The following CXADR variants were observed in gnomAD, a reference collection of about 807,000 sequenced individuals.
The protein encoded by CXADR is CXADR cell adhesion molecule.
In CXADR, 20 loss-of-function variants were observed where a neutral mutation model predicts 40.3. That is an observed-to-expected ratio of 0.50 (90% CI 0.35 to 0.72). CXADR has a LOEUF of 0.72. Ranked by LOEUF, CXADR falls within the 30% of genes least tolerant of loss-of-function variation. The pLI, the probability that CXADR is intolerant of heterozygous loss-of-function variation, is 0.01. For missense variants in CXADR, 332 were observed against 449.1 expected (o/e 0.74, Z 2.36); for synonymous variants, 150 against 161.3 (o/e 0.93, Z 0.53).
At chr21:17,525,473 C>T (rs1486063398) in intron 1 of CXADR, among the ~76,000 whole-genome samples, 1 of 152,172 alleles carries the variant, frequency 6.6e-6, no homozygotes, top group Non-Finnish European at 1.5e-5. Context: ...TGTTCAGCCC[C>T]CACCTTTGTT....
chr21:17,543,495 G>C (rs751432159), intron 1 of CXADR, among the ~76,000 whole-genome samples: 14 of 152,056 alleles, frequency 9.2e-5, no homozygotes, highest in African/African-American at 3.4e-4. Flanking sequence ...ACAGTAACCC[G>C]GAAGTTTTTA....
chr21:17,570,232 G>C, downstream of CXADR: 1 of 957,886 alleles, frequency 1.0e-6, no homozygotes, highest in Non-Finnish European at 1.2e-6. Flanking sequence ...AAAGAATAAA[G>C]ATTGCGACAA....
the CXADR span, among the ~76,000 whole-genome samples, chr21:17,618,945 T>A: frequency 6.6e-6 from 1 of 152,240 alleles, no homozygotes; most frequent in African/African-American, 2.4e-5. Context: ...AATCTCCTTG[T>A]AGATATCCAT....
At chr21:17,534,032 A>ATATATATATATACACATATATATAGC (rs1569091470) in intron 1 of CXADR, among the ~76,000 whole-genome samples, 7 of 81,396 alleles carry the variant, frequency 8.6e-5, no homozygotes, top group African/African-American at 2.6e-4. Context: ...ATATATAGCT[A>ATATATATATATACACATATATATAGC]TATATATATA....
At chr21:17,529,058 AG>A (rs2060636774) in intron 1 of CXADR, among the ~76,000 whole-genome samples, 3 of 88,746 alleles carry the variant, frequency 3.4e-5, no homozygotes, top group African/African-American at 1.3e-4. Context: ...TTTTTTTTTG[AG>A]ACAGAGTCTC....
chr21:17,576,962 T>C (rs2061326556), intron 7 of CXADR: 1 of 152,234 alleles, frequency 6.6e-6, no homozygotes, highest in African/African-American at 2.4e-5. Flanking sequence ...TATTTAACTA[T>C]TTAAAAACAA....
At chr21:17,615,662 CATT>C in the CXADR span, among the ~76,000 whole-genome samples, 3 of 152,172 alleles carry the variant, frequency 2.0e-5, no homozygotes, top group African/African-American at 7.2e-5. Flanking sequence ...CTACTATACT[CATT>C]AATATGTATT....
chr21:17,532,549 C>G (rs2060692117), intron 1 of CXADR, among the ~76,000 whole-genome samples: 2 of 152,140 alleles, frequency 1.3e-5, no homozygotes, highest in African/African-American at 4.8e-5. Flanking sequence ...GCCTAGGACA[C>G]CGATGATGTT....
intron 1 of CXADR, chr21:17,542,999 G>A (rs1022447296): frequency 3.1e-5 from 11 of 351,240 alleles, no homozygotes; most frequent in Non-Finnish European, 5.7e-5. Flanking sequence ...TGTTTTATAT[G>A]ATCTCAAGAT....
At chr21:17,609,200 G>A in the CXADR span, 1 of 1,559,904 alleles carries the variant, frequency 6.4e-7, no homozygotes, top group Non-Finnish European at 8.7e-7. Flanking sequence ...TATAAAAACT[G>A]GGAAGATGAA....
the CXADR span, among the ~76,000 whole-genome samples, chr21:17,630,902 G>C: frequency 6.6e-5 from 10 of 152,146 alleles, no homozygotes; most frequent in East Asian, 1.9e-3. Context: ...ACAGAAAAGA[G>C]GAAGGAAGTG....
At chr21:17,581,562 G>A (rs1243792906) in intron 7 of CXADR, among the ~76,000 whole-genome samples, 1 of 152,070 alleles carries the variant, frequency 6.6e-6, no homozygotes, top group African/African-American at 2.4e-5. Context: ...ACATTTGTAG[G>A]ACCAGACACG....
In CXADR at chr21:17,568,807, T is replaced by C; in HGVS notation, c.*3115T>C. Reference sequence around the variant, plus strand: ...TCACTCCCCCACCCCCAAAAATGTCTACTATTCATGACAGTAACCAATTAT... The same window carrying C: ...TCACTCCCCCACCCCCAAAAATGTCCACTATTCATGACAGTAACCAATTAT... On this transcript the variant is annotated 3_prime_UTR_variant, in exon 7 of 7. Coordinates refer to ENST00000284878, the MANE Select transcript of CXADR (RefSeq NM_001338.5). The C allele has an allele frequency of 1.0e-6, 1 of 985,294 alleles. No individual in the cohort carries two copies. The highest frequency in any genetic ancestry group is 1.2e-6 in the Non-Finnish European group (1 of 829,930). 61.0% of individuals were successfully genotyped at this position (985,294 alleles called of 1,614,324 possible).
chr21:17,602,174 T>C, the CXADR span, among the ~76,000 whole-genome samples: 8 of 152,050 alleles, frequency 5.3e-5, no homozygotes. Context: ...AAAAAAAAGT[T>C]GTAAAATATG....
At chr21:17,548,852 G>A (rs552732064) in intron 2 of CXADR, among the ~76,000 whole-genome samples, 2 of 152,316 alleles carry the variant, frequency 1.3e-5, no homozygotes, top group African/African-American at 2.4e-5. Context: ...CTGAGTGACC[G>A]TTTCTGGGTT....
intron 1 of CXADR, among the ~76,000 whole-genome samples, chr21:17,544,716 G>T (rs930418085): frequency 2.0e-5 from 3 of 152,166 alleles, no homozygotes; most frequent in Admixed American, 6.5e-5. Context: ...AGCTGGGCAG[G>T]CCTCAGGTTT....
the CXADR span, among the ~76,000 whole-genome samples, chr21:17,627,291 G>A: frequency 6.6e-6 from 1 of 152,096 alleles, no homozygotes; most frequent in Non-Finnish European, 1.5e-5. Context: ...AGGAGGCGGA[G>A]GTTGCGGTGA....
chr21:17,584,088 G>C (rs1212883968), intron 7 of CXADR, among the ~76,000 whole-genome samples: 1 of 152,154 alleles, frequency 6.6e-6, no homozygotes, highest in Admixed American at 6.6e-5. Flanking sequence ...GGAAAGATTT[G>C]TGCTTACTCA....
chr21:17,586,569 GAGATTACA>G (rs2061398009), intron 7 of CXADR, among the ~76,000 whole-genome samples: 1 of 151,436 alleles, frequency 6.6e-6, no homozygotes, highest in Admixed American at 6.6e-5. Flanking sequence ...CCAAAGTGCT[GAGATTACA>G]GGTGTGAGTC....
Sources: allele counts gnomAD v4.1 joint callset (sites outside exome capture counted in the v4.1 genomes callset), GRCh38; gene constraint gnomAD v4.1.1; transcripts MANE v1.5; gene names NCBI Gene and HGNC (gene_info 2026-07-23, HGNC 2026-07-21).